EPRS1: variants seen among roughly 807,000 people sequenced by gnomAD.
The protein encoded by EPRS1 is glutamyl-prolyl-tRNA synthetase 1, also known as bifunctional glutamate/proline--tRNA ligase.
In EPRS1, 107 loss-of-function variants were observed where a neutral mutation model predicts 188.3. The ratio of observed to expected loss-of-function variants is 0.57; its 90% CI spans 0.49 to 0.67. The LOEUF is 0.67. Among genes scored for constraint, EPRS1 ranks in the 30% least tolerant of loss-of-function variants. The probability of loss-of-function intolerance (pLI) is 0.00; values close to 1 mark genes in which losing one functional copy is unlikely to be tolerated. For synonymous variants in EPRS1, 596 were observed against 593.1 expected, an observed-to-expected ratio of 1.00 and a Z score of -0.07; for missense variants, 1,577 against 1,802.2, an observed-to-expected ratio of 0.88 and a Z score of 2.26.
chr1:220,039,681 G>A (rs1346599411), intron 2 of EPRS1, among the ~76,000 whole-genome samples: 1 of 152,080 alleles, frequency 6.6e-6, no homozygotes, highest in Non-Finnish European at 1.5e-5. Flanking sequence ...ACAACACCTG[G>A]ATAATTTTTT....
At chr1:220,025,349 A>G (rs1571691716) in intron 6 of EPRS1, 91 bp from the exon 7 acceptor site, 1 of 927,680 alleles carries the variant, frequency 1.1e-6, no homozygotes, top group Non-Finnish European at 1.5e-6. Flanking sequence ...GAACTAAACA[A>G]AAGTCCTTCT....
intron 29 of EPRS1, 32 bp from the exon 30 acceptor site, chr1:219,972,179 T>C (rs780226725): frequency 7.4e-7 from 1 of 1,349,836 alleles, no homozygotes; most frequent in Non-Finnish European, 1.0e-6. Context: ...CAATACATAA[T>C]TGTTCTCACA....
At chr1:219,981,190 G>A (rs906280357) in intron 24 of EPRS1, among the ~76,000 whole-genome samples, 188 bp downstream of exon 24, 1 of 151,912 alleles carries the variant, frequency 6.6e-6, no homozygotes, top group Non-Finnish European at 1.5e-5. Context: ...GAGCTGCCAC[G>A]CCCAGCCACT....
rs1661949362 is a variant in EPRS1 at position 220,025,138 on chromosome 1, A to C, written c.744T>G (p.Phe248Leu). 3 of 1,613,318 alleles carry C rather than the reference A, an allele frequency of 1.9e-6. No individual in the cohort carries two copies. The highest frequency in any genetic ancestry group is 2.5e-6 in the Non-Finnish European group (3 of 1,179,524). Residue 248 changes from phenylalanine to leucine, a missense_variant, in exon 7 of 32, where the codon TTT becomes TTG. Around this residue, in one of 3 missense-constraint regions of EPRS1, gnomAD observed 1,278 missense variants for 1,457.4 expected, o/e 0.88. Transcript: ENST00000366923. ...TCACTACACTTTTAATTACCTTCTC[A>C]AAATCTTCCTTTTCTTTTTCAGGAT... Reference protein sequence around the residue: ...DTNPEKEKEDFEKVILEDVAM... With the variant: ...DTNPEKEKEDLEKVILEDVAM...
chr1:220,009,256 C>T (rs1661554758), intron 13 of EPRS1, among the ~76,000 whole-genome samples: 1 of 152,126 alleles, frequency 6.6e-6, no homozygotes, highest in African/African-American at 2.4e-5. Context: ...CATGGGAAGA[C>T]AATCATATAA....
rs1558057499 is a variant in EPRS1 at position 220,020,098 on chromosome 1, T to A, written c.1239A>T (p.Leu413Phe). The A allele has an allele frequency of 6.2e-7, 1 of 1,614,034 alleles. No individual in the cohort carries two copies. Among genetic ancestry groups the A allele is most frequent in the Non-Finnish European group, 8.5e-7 (1 of 1,179,900 alleles). ...CCCAAATATATGGTTTTCTTATGCC[T>A]AAAGCTTCAATAATCCAGTAAAACT... ...DEQFYWIIEA[L>F]GIRKPYIWEY... Residue 413 changes from leucine (L) to phenylalanine (F), a missense_variant, in exon 10 of 32, where the codon TTA (leucine) becomes TTT (phenylalanine). By Grantham distance (22) the Leu-to-Phe change is conservative. Transcript: ENST00000366923.
At chr1:220,012,566 G>A (rs1210902356) in intron 12 of EPRS1, among the ~76,000 whole-genome samples, 1 of 152,220 alleles carries the variant, frequency 6.6e-6, no homozygotes, top group African/African-American at 2.4e-5. Context: ...GGATGGTTAG[G>A]ATCAGGCATA....
chr1:219,997,341 G>T lies in EPRS1; in HGVS notation c.2183C>A (p.Thr728Asn). The T allele has an allele frequency of 6.4e-7, 1 of 1,566,662 alleles. No individual in the cohort carries two copies. Among genetic ancestry groups the T allele is most frequent in the Non-Finnish European group, 8.6e-7 (1 of 1,161,732 alleles). ...KTKVEATKNE[T>N]SAPFKERPTP... The stretch of plus-strand genomic sequence containing the variant: ...TGGTCTTTCCTTAAAAGGAGCAGAG[G>T]TCTACCAAGAGAGAAAACCAAAAGT... Residue 728 changes from threonine (T) to asparagine (N), a missense_variant and splice_region_variant, in exon 18 of 32, where the codon ACC (threonine) becomes AAC (asparagine). By Grantham distance (65) the Thr-to-Asn change is moderately conservative. This residue lies in a region of EPRS1 where 1,278 missense variants were observed against 1,457.4 expected (regional missense o/e 0.88). Coordinates refer to ENST00000366923, the MANE Select transcript of EPRS1 (RefSeq NM_004446.3).
rs553215551 is a variant in EPRS1 at position 219,994,623 on chromosome 1, T to C, written c.2541+2360A>G. 3.4e-5 allele frequency among the ~76,000 whole-genome samples: 5 copies of C among 148,650 alleles called. No individual in the cohort carries two copies. In the East Asian group the frequency reaches 9.8e-4, roughly 29 times the overall value. On this transcript the variant is annotated intron_variant, in intron 18 of 31. Coordinates refer to ENST00000366923, the MANE Select transcript of EPRS1 (RefSeq NM_004446.3). ...TGCGATGTTTTTGAGATCAGAAATATGCCGTGGTAACTTCTTCTTTTTTTT... is the reference window on the plus strand; with the variant it reads ...TGCGATGTTTTTGAGATCAGAAATACGCCGTGGTAACTTCTTCTTTTTTTT...
At position 220,000,218 on chromosome 1, in the gene EPRS1, T is replaced by C. The variant is rs1211198776; in HGVS notation, c.2181+920A>G. On this transcript the variant is annotated intron_variant, in intron 17 of 31. Coordinates refer to ENST00000366923, the MANE Select transcript of EPRS1 (RefSeq NM_004446.3). ...TCTTTCTAGGATATGTAAAAAATGA[T>C]AGGCACAGATGGGAACTGGAACCAA... 3.3e-5 allele frequency among the ~76,000 whole-genome samples: 5 copies of C among 152,216 alleles called. No homozygotes were observed. The East Asian group carries it at 7.7e-4, about 23-fold the overall frequency.
chr1:219,998,111 C>T (rs1341800382), intron 17 of EPRS1, among the ~76,000 whole-genome samples: 1 of 152,172 alleles, frequency 6.6e-6, no homozygotes, highest in East Asian at 1.9e-4. Flanking sequence ...ACCCAGCTCA[C>T]ATTATACCTT....
At chr1:219,978,797 C>G in intron 27 of EPRS1, 78 bp from the exon 28 acceptor site, 1 of 1,004,580 alleles carries the variant, frequency 1.0e-6, no homozygotes, top group East Asian at 2.6e-5. Flanking sequence ...TCGAAACCTA[C>G]CAGTGGCTAT....
chr1:219,986,783 A>ATGTG (rs55845197), intron 20 of EPRS1, among the ~76,000 whole-genome samples: 44,131 of 150,080 alleles, frequency 0.29, 6,891 homozygotes, highest in East Asian at 0.47. Flanking sequence ...GAAAATATGT[A>ATGTG]TGTGTGTGTG....
chr1:220,019,313 C>T (rs1265617831), intron 10 of EPRS1, among the ~76,000 whole-genome samples: 1 of 151,656 alleles, frequency 6.6e-6, no homozygotes, highest in East Asian at 1.9e-4. Flanking sequence ...ACAGTAGAAG[C>T]ACATTTGAAA....
intron 12 of EPRS1, among the ~76,000 whole-genome samples, chr1:220,017,446 G>A (rs2789812): frequency 0.81 from 122,883 of 152,198 alleles, 49,740 homozygotes; most frequent in East Asian, 0.93. Context: ...AAGTACACCA[G>A]TGTTAACTTT....
At chr1:220,010,822 A>AAC in intron 13 of EPRS1, 124 bp downstream of exon 13, 1 of 454,840 alleles carries the variant, frequency 2.2e-6, no homozygotes, top group African/African-American at 2.2e-5. Flanking sequence ...AAAAAAAAAA[A>AAC]AAAGAAAGAA....
In EPRS1 at chr1:219,987,213, A is replaced by T. The variant is rs1280994587; in HGVS notation, c.2967T>A (p.Pro989=). ...AGAGCCCACCTCCTTGGTTTTTAGA[A>T]GGGTCTTTCCTTTGGCCATCATTTT... ...QKQNDGQRKD[P]SKNQGGGLSS... Residue 989 remains proline (P), a synonymous_variant, in exon 20 of 32, where the codon CCT becomes CCA. Transcript: ENST00000366923. 6.2e-7 allele frequency: 1 copy of T among 1,614,064 alleles called. No individual in the cohort carries two copies. Among genetic ancestry groups the T allele is most frequent in the Non-Finnish European group, 8.5e-7 (1 of 1,179,994 alleles).
At chr1:220,013,541 G>C (rs1426696670) in intron 12 of EPRS1, among the ~76,000 whole-genome samples, 2 of 151,944 alleles carry the variant, frequency 1.3e-5, no homozygotes, top group African/African-American at 4.8e-5. Context: ...CTAAGTTAGT[G>C]AAGAGTAGGA....
At chr1:220,010,391 A>G (rs1661578533) in intron 13 of EPRS1, among the ~76,000 whole-genome samples, 1 of 152,228 alleles carries the variant, frequency 6.6e-6, no homozygotes, top group Admixed American at 6.5e-5. Context: ...AATAAAAAAT[A>G]AGCACCAACT....
Sources: allele counts gnomAD v4.1 joint callset (sites outside exome capture counted in the v4.1 genomes callset), GRCh38; gene constraint gnomAD v4.1.1; regional missense constraint gnomAD v4.1.1; transcripts MANE v1.5; gene names NCBI Gene and HGNC (gene_info 2026-07-23, HGNC 2026-07-21).